Variants in CCDC138 observed in about 807,000 individuals in gnomAD.
CCDC138 encodes the protein coiled-coil domain containing 138, also known as coiled-coil domain-containing protein 138.
CCDC138 carries 66 observed loss-of-function variants against 82.3 expected under a neutral mutation model. That is an observed-to-expected ratio of 0.80 (90% confidence interval 0.66 to 0.98). CCDC138 has a LOEUF of 0.98. Ranked by LOEUF, CCDC138 falls within the 50% of genes least tolerant of loss-of-function variation. The pLI is 0.00. For missense variants in CCDC138, 816 were observed against 758.9 expected (o/e 1.08, Z -0.88); for synonymous variants, 297 against 265.4 (o/e 1.12, Z -1.16).
At chr2:108,826,810 T>A (rs1296743413) in intron 10 of CCDC138, among the ~76,000 whole-genome samples, 1 of 152,232 alleles carries the variant, frequency 6.6e-6, no homozygotes, top group East Asian at 1.9e-4. Flanking sequence ...AAGGACTGCA[T>A]TGAATCTGTG....
intron 6 of CCDC138, among the ~76,000 whole-genome samples, chr2:108,802,771 A>G (rs1682153543): frequency 6.6e-6 from 1 of 151,348 alleles, no homozygotes; most frequent in Non-Finnish European, 1.5e-5. Flanking sequence ...TGGGTTTGTC[A>G]TAGATAGCTC....
At chr2:108,827,262 G>T (rs1171580258) in intron 10 of CCDC138, among the ~76,000 whole-genome samples, 1 of 152,090 alleles carries the variant, frequency 6.6e-6, no homozygotes, top group Non-Finnish European at 1.5e-5. Context: ...TTTCAGTAAA[G>T]TATCCAGTTG....
At chr2:108,796,333 C>T (rs1226167474) in intron 5 of CCDC138, among the ~76,000 whole-genome samples, 2 of 152,098 alleles carry the variant, frequency 1.3e-5, no homozygotes, top group African/African-American at 2.4e-5. Flanking sequence ...GGATTACAGG[C>T]GTGAGCCACC....
chr2:108,843,251 G>A (rs1157309231), intron 11 of CCDC138, among the ~76,000 whole-genome samples: 2 of 152,132 alleles, frequency 1.3e-5, no homozygotes, highest in Non-Finnish European at 2.9e-5. Context: ...TCCGTCTGCT[G>A]GGTTCAAACC....
At chr2:108,839,340 C>G in intron 11 of CCDC138, 39 bp downstream of exon 11, 1 of 1,491,588 alleles carries the variant, frequency 6.7e-7, no homozygotes, top group Non-Finnish European at 9.2e-7. Flanking sequence ...AGTAATACTC[C>G]ACCTAATATT....
At chr2:108,815,795 T>G (rs898860756) in intron 9 of CCDC138, 146 bp from the exon 10 acceptor site, 1 of 668,420 alleles carries the variant, frequency 1.5e-6, no homozygotes, top group African/African-American at 1.9e-5. Flanking sequence ...GGAATTCTTT[T>G]GTTTGTTTGG....
At chr2:108,871,370 T>TAAAAAAAAAAAAAAACAAAAAAAAAAA (rs1695210136) in intron 13 of CCDC138, among the ~76,000 whole-genome samples, 1 of 76,672 alleles carries the variant, frequency 1.3e-5, no homozygotes, top group Non-Finnish European at 2.5e-5. Flanking sequence ...CCAACTCTAT[T>TAAAAAAAAAAAAAAACAAAAAAAAAAA]AAAAAAAAAA....
chr2:108,815,841 T>C (rs1157018557), intron 9 of CCDC138, 100 bp from the exon 10 acceptor site: 1 of 986,892 alleles, frequency 1.0e-6, no homozygotes, highest in Non-Finnish European at 1.5e-6. Context: ...AGTGAATTAC[T>C]TTAGTCAAAT....
chr2:108,877,566 A>T (rs1696114535), downstream of CCDC138, among the ~76,000 whole-genome samples: 1 of 149,252 alleles, frequency 6.7e-6, no homozygotes. Flanking sequence ...TGACAAGAAC[A>T]AACCAAAAGG....
intron 4 of CCDC138, among the ~76,000 whole-genome samples, chr2:108,792,573 C>T (rs1466326125): frequency 6.6e-6 from 1 of 152,186 alleles, no homozygotes; most frequent in Non-Finnish European, 1.5e-5. Flanking sequence ...CCTAGACAGG[C>T]AAGTAGAGCT....
chr2:108,844,151 G>A (rs1198193996), intron 11 of CCDC138, among the ~76,000 whole-genome samples: 2 of 151,876 alleles, frequency 1.3e-5, no homozygotes, highest in East Asian at 1.9e-4. Context: ...GTGAGCCACC[G>A]CCCCCAGTTT....
intron 13 of CCDC138, among the ~76,000 whole-genome samples, chr2:108,866,205 A>T (rs1421893643): frequency 6.6e-6 from 1 of 152,208 alleles, no homozygotes. Flanking sequence ...AAGGTCCAGG[A>T]GTCCTCTTCT....
At chr2:108,789,127 T>C (rs184106454) in intron 3 of CCDC138, among the ~76,000 whole-genome samples, 161 bp downstream of exon 3, 8 of 152,374 alleles carry the variant, frequency 5.3e-5, no homozygotes, top group Admixed American at 3.3e-4. Context: ...GAGTCACTTA[T>C]TAATTTTTAC....
chr2:108,876,777 G>T (rs564808424), downstream of CCDC138, among the ~76,000 whole-genome samples: 23 of 152,038 alleles, frequency 1.5e-4, no homozygotes, highest in African/African-American at 5.5e-4. Flanking sequence ...CTGTTCACAG[G>T]TTTAAAAACT....
In CCDC138 at chr2:108,873,621, T is replaced by A. The variant is rs140787938; in HGVS notation, c.1832+32T>A. 7.8e-3 allele frequency: 11,500 copies of A among 1,468,488 alleles called. 56 individuals carry two copies. The highest frequency in any genetic ancestry group is 9.9e-3 in the Non-Finnish European group (10,506 of 1,063,814). 91.0% of individuals were successfully genotyped at this position (1,468,488 alleles called of 1,614,324 possible). A position where few individuals can be genotyped will look rare whatever the true frequency, so the allele number is the denominator to read the frequency against. On this transcript the variant is annotated intron_variant, in intron 14 of 14. Coordinates refer to ENST00000295124, the MANE Select transcript of CCDC138 (RefSeq NM_144978.3). ...ATTTCTTATTTCTAACATTTTTTAT[T>A]GAAAAATACCTTACTGTGATCATTT...
At chr2:108,845,823 G>A (rs1026779660) in intron 11 of CCDC138, among the ~76,000 whole-genome samples, 4 of 151,994 alleles carry the variant, frequency 2.6e-5, no homozygotes, top group Non-Finnish European at 5.9e-5. Context: ...TGCCTGCCTC[G>A]GCGTCCCAAA....
chr2:108,833,669 G>C (rs1290746189), intron 10 of CCDC138, among the ~76,000 whole-genome samples: 1 of 150,832 alleles, frequency 6.6e-6, no homozygotes, highest in African/African-American at 2.4e-5. Flanking sequence ...AATAAGAAAC[G>C]AAACAAATTT....
chr2:108,874,578 A>G (rs1014517254), intron 14 of CCDC138, among the ~76,000 whole-genome samples: 5 of 152,142 alleles, frequency 3.3e-5, no homozygotes. Context: ...TTCCCGTGGT[A>G]GAGAATTTAG....
intron 10 of CCDC138, among the ~76,000 whole-genome samples, chr2:108,828,174 A>G (rs1027987250): frequency 5.3e-5 from 8 of 152,230 alleles, no homozygotes; most frequent in Non-Finnish European, 1.2e-4. Context: ...TATATTGTAG[A>G]TAAATATTTG....
Sources: gnomAD v4.1 joint callset for allele counts (sites outside exome capture counted in the v4.1 genomes callset) on GRCh38, gnomAD v4.1.1 for gene constraint, MANE v1.5 for transcripts, NCBI Gene and HGNC (gene_info 2026-07-23, HGNC 2026-07-21) for gene names.